KCNQ1OT1: variants seen among roughly 807,000 people sequenced by gnomAD.
The protein encoded by KCNQ1OT1 is KCNQ1 antisense RNA 2 (non-protein coding).
Position 2,661,086 on chromosome 11 carries a change from C to T in KCNQ1OT1, n.38909G>A, listed in dbSNP as rs2133854741. 1 of 398,272 alleles carries T rather than the reference C, an allele frequency of 2.5e-6. No homozygotes were observed. Among genetic ancestry groups the T allele is most frequent in the East Asian group, 3.6e-5 (1 of 28,076 alleles). The allele number at this position is 398,272 out of a possible 1,614,324, so 24.7% of individuals were successfully genotyped here. A position where few individuals can be genotyped will look rare whatever the true frequency, so the allele number is the denominator to read the frequency against. Reference sequence around the variant, plus strand: ...CAGAGTCACAGTGACATCCCATGTGCATAAAAGCAACTCCCACCTGGCATC... The same window carrying T: ...CAGAGTCACAGTGACATCCCATGTGTATAAAAGCAACTCCCACCTGGCATC... On this transcript the variant is annotated non_coding_transcript_exon_variant, in exon 1 of 1. Transcript: ENST00000597346. The surrounding 1 kb of genome is among the most constrained non-coding windows in gnomAD (Gnocchi z 5.9).
rs1177890303 is a variant in KCNQ1OT1 at position 2,657,752 on chromosome 11, A to G, written n.42243T>C. On this transcript the variant is annotated non_coding_transcript_exon_variant, in exon 1 of 1. Coordinates refer to ENST00000597346, the Ensembl canonical transcript of KCNQ1OT1. This position sits in a 1 kb window ranked among gnomAD's most constrained non-coding sequence, Gnocchi z 4.8. ...ATCTCTGATCGGTGACGGGCTTCTC[A>G]GTCTTGTTCTTCATTAACTTGACAC... 1 of 398,458 alleles carries G rather than the reference A, an allele frequency of 2.5e-6. No individual in the cohort carries two copies. Among genetic ancestry groups the G allele is most frequent in the African/African-American group, 2.1e-5 (1 of 48,604 alleles). The allele number at this position is 398,458 out of a possible 1,614,324, so 24.7% of individuals were successfully genotyped here.
exon 1 of KCNQ1OT1, chr11:2,644,380 G>GT (rs1200527885): frequency 4.0e-5 from 16 of 398,036 alleles, no homozygotes; most frequent in Non-Finnish European, 7.1e-5. Context: ...TTTCAAATAT[G>GT]TTTTTTATTT....
rs1310215651 is a variant in KCNQ1OT1 at position 2,698,087 on chromosome 11, CTGAG to C, written n.1904_1907del. 6 of 398,632 alleles carry C rather than the reference CTGAG, an allele frequency of 1.5e-5. No individual in the cohort carries two copies. In the South Asian group the frequency reaches 6.4e-4, roughly 42 times the overall value. The allele number at this position is 398,632 out of a possible 1,614,324, so 24.7% of individuals were successfully genotyped here. A position where few individuals can be genotyped will look rare whatever the true frequency, so the allele number is the denominator to read the frequency against. On this transcript the variant is annotated non_coding_transcript_exon_variant, in exon 1 of 1. Transcript: ENST00000597346. This position sits in a 1 kb window ranked among gnomAD's most constrained non-coding sequence, Gnocchi z 5.1. ...CTGCCTGCTTTCCTTCAAGTACTGACTGAGTAAGGCTGTGTATCAGGCTCTTGGC... is the reference window on the plus strand; with the variant it reads ...CTGCCTGCTTTCCTTCAAGTACTGACTAAGGCTGTGTATCAGGCTCTTGGC...
At position 2,674,297 on chromosome 11, in the gene KCNQ1OT1, G is replaced by C; in HGVS notation, n.25698C>G. 1 of 398,636 alleles carries C rather than the reference G, an allele frequency of 2.5e-6. No individual in the cohort carries two copies. The highest frequency in any genetic ancestry group is 4.4e-5 in the Admixed American group (1 of 22,740). The allele number at this position is 398,636 out of a possible 1,614,324, so 24.7% of individuals were successfully genotyped here. On this transcript the variant is annotated non_coding_transcript_exon_variant, in exon 1 of 1. Coordinates refer to ENST00000597346, the Ensembl canonical transcript of KCNQ1OT1. This position sits in a 1 kb window ranked among gnomAD's most constrained non-coding sequence, Gnocchi z 5.9. ...ACACACTAGGACCTTTCTTCATCAT[G>C]CAGCCGTAGAGCTGGAGGCCAAGGA...
chr11:2,695,789 T>C lies in KCNQ1OT1; in HGVS notation n.4206A>G. The C allele has an allele frequency of 2.5e-6, 1 of 398,652 alleles. No individual in the cohort carries two copies. The highest frequency in any genetic ancestry group is 4.4e-6 in the Non-Finnish European group (1 of 226,068). The allele number at this position is 398,652 out of a possible 1,614,324, so 24.7% of individuals were successfully genotyped here. On this transcript the variant is annotated non_coding_transcript_exon_variant, in exon 1 of 1. Transcript: ENST00000597346. This position sits in a 1 kb window ranked among gnomAD's most constrained non-coding sequence, Gnocchi z 5.2. ...GCCTTATCCTACTTTCTAATGCTTC[T>C]CCTATGAAGAATAGCTGTTGCTTTC...
In KCNQ1OT1 at chr11:2,623,139, C is replaced by G. The variant is rs1427973423; in HGVS notation, n.76856G>C. 2.5e-5 allele frequency: 10 copies of G among 398,472 alleles called. No individual in the cohort carries two copies. Among genetic ancestry groups the G allele is most frequent in the Non-Finnish European group, 4.4e-5 (10 of 226,122 alleles). The allele number at this position is 398,472 out of a possible 1,614,324, so 24.7% of individuals were successfully genotyped here. A position where few individuals can be genotyped will look rare whatever the true frequency, so the allele number is the denominator to read the frequency against. ...GCACTTCCCATCTCACTTTCTTTCCCTCTCCTGTTCTGCCATGGTAAAGAT... is the reference window on the plus strand; with the variant it reads ...GCACTTCCCATCTCACTTTCTTTCCGTCTCCTGTTCTGCCATGGTAAAGAT... On this transcript the variant is annotated non_coding_transcript_exon_variant, in exon 1 of 1. Transcript: ENST00000597346. The surrounding 1 kb of genome is among the most constrained non-coding windows in gnomAD (Gnocchi z 5.2).
At position 2,632,247 on chromosome 11, in the gene KCNQ1OT1, T is replaced by A. The variant is rs1849370511; in HGVS notation, n.67748A>T. The A allele has an allele frequency of 1.0e-5, 4 of 398,274 alleles. No homozygotes were observed. In the East Asian group the frequency reaches 1.4e-4, roughly 14 times the overall value. The allele number at this position is 398,274 out of a possible 1,614,324, so 24.7% of individuals were successfully genotyped here. ...GTGTACTGACTTACTATCCTGCTAC[T>A]TTGCTGAATTAATTTATTCAGTTTT... On this transcript the variant is annotated non_coding_transcript_exon_variant, in exon 1 of 1. Coordinates refer to ENST00000597346, the Ensembl canonical transcript of KCNQ1OT1.
exon 1 of KCNQ1OT1, chr11:2,635,662 C>G (rs1248635887): frequency 6.6e-6 from 1 of 152,064 alleles, no homozygotes; most frequent in Non-Finnish European, 1.5e-5. Context: ...CTTGGCAATG[C>G]GGGCTCTTTT....
rs1850415444 is a variant in KCNQ1OT1, at chr11:2,682,482, G to A, written n.17513C>T. On this transcript the variant is annotated non_coding_transcript_exon_variant, in exon 1 of 1. Transcript: ENST00000597346. The surrounding 1 kb of genome is among the most constrained non-coding windows in gnomAD (Gnocchi z 5.8). ...CCCTCAGTGAATGTTTGACGAGTGA[G>A]TGAGTGAGTGAGTGAGTGAGTGAGT... is the stretch of plus-strand genomic sequence containing the variant. 1.3e-5 allele frequency: 5 copies of A among 397,934 alleles called. No homozygotes were observed. The highest frequency in any genetic ancestry group is 1.3e-3 in the Middle Eastern group (2 of 1,584). The allele number at this position is 397,934 out of a possible 1,614,324, so 24.7% of individuals were successfully genotyped here.
exon 1 of KCNQ1OT1, chr11:2,665,213 T>C (rs1056641344): frequency 1.3e-5 from 5 of 398,446 alleles, no homozygotes; most frequent in African/African-American, 8.2e-5. Context: ...GCAGAAGCTG[T>C]CTTCCTAGGT....
At chr11:2,692,776 T>C in exon 1 of KCNQ1OT1, 1 of 398,630 alleles carries the variant, frequency 2.5e-6, no homozygotes, top group African/African-American at 2.1e-5. Flanking sequence ...ACCTGCTGAG[T>C]GTTTGACAAA....
chr11:2,670,479 A>G lies in KCNQ1OT1; in HGVS notation n.29516T>C, dbSNP rs1850163251. The G allele has an allele frequency of 2.5e-6, 1 of 397,404 alleles. No individual in the cohort carries two copies. The highest frequency in any genetic ancestry group is 3.6e-5 in the East Asian group (1 of 28,034). 24.6% of individuals were successfully genotyped at this position (397,404 alleles called of 1,614,324 possible). The stretch of plus-strand genomic sequence containing the variant: ...AGCCCACATCCTTGGTAGGTCCCTC[A>G]GAGAGCATCTAGTGGGCCTGTCCTC... On this transcript the variant is annotated non_coding_transcript_exon_variant, in exon 1 of 1. Coordinates refer to ENST00000597346, the Ensembl canonical transcript of KCNQ1OT1. The surrounding 1 kb of genome is among the most constrained non-coding windows in gnomAD (Gnocchi z 4.9).
rs1850155879 is a variant in KCNQ1OT1, at chr11:2,670,227, C to CTT, written n.29766_29767dup. ...AGGGCGAGCTGTGTAGCTCACCTGC[C>CTT]TTTGACCCTGCACATGACGGGCGAG... On this transcript the variant is annotated non_coding_transcript_exon_variant, in exon 1 of 1. Coordinates refer to ENST00000597346, the Ensembl canonical transcript of KCNQ1OT1. This position sits in a 1 kb window ranked among gnomAD's most constrained non-coding sequence, Gnocchi z 4.9. 2 of 398,448 alleles carry CTT rather than the reference C, an allele frequency of 5.0e-6. No homozygotes were observed. Among genetic ancestry groups the CTT allele is most frequent in the Admixed American group, 8.8e-5 (2 of 22,712 alleles). The allele number at this position is 398,448 out of a possible 1,614,324, so 24.7% of individuals were successfully genotyped here.
rs556508655 is a variant in KCNQ1OT1 at position 2,661,794 on chromosome 11, A to G, written n.38201T>C. ...TGTCAGGCACTTTGGGGCCATCTTAAACACCCACCCACCCCAACACCCAAC... is the reference window on the plus strand; with the variant it reads ...TGTCAGGCACTTTGGGGCCATCTTAGACACCCACCCACCCCAACACCCAAC... On this transcript the variant is annotated non_coding_transcript_exon_variant, in exon 1 of 1. Coordinates refer to ENST00000597346, the Ensembl canonical transcript of KCNQ1OT1. The surrounding 1 kb of genome is among the most constrained non-coding windows in gnomAD (Gnocchi z 5.9). The G allele has an allele frequency of 2.6e-6, 2 of 774,388 alleles. No individual in the cohort carries two copies. The highest frequency in any genetic ancestry group is 2.7e-5 in the East Asian group (1 of 37,546). 48.0% of individuals were successfully genotyped at this position (774,388 alleles called of 1,614,324 possible). A position where few individuals can be genotyped will look rare whatever the true frequency, so the allele number is the denominator to read the frequency against.
rs1394103494 is a variant in KCNQ1OT1 at position 2,627,420 on chromosome 11, T to C, written n.72575A>G. On this transcript the variant is annotated non_coding_transcript_exon_variant, in exon 1 of 1. Transcript: ENST00000597346. This position sits in a 1 kb window ranked among gnomAD's most constrained non-coding sequence, Gnocchi z 4.9. ...TTATGTCAAGAACTTATTCATCTGA[T>C]AACTCTATGTTTGTACCCTTCAACA... The C allele has an allele frequency of 7.5e-6, 3 of 398,422 alleles. No homozygotes were observed. Among genetic ancestry groups the C allele is most frequent in the Non-Finnish European group, 1.3e-5 (3 of 226,036 alleles). The allele number at this position is 398,422 out of a possible 1,614,324, so 24.7% of individuals were successfully genotyped here. A position where few individuals can be genotyped will look rare whatever the true frequency, so the allele number is the denominator to read the frequency against.
chr11:2,667,886 G>A (rs1376251150), exon 1 of KCNQ1OT1: 7 of 398,534 alleles, frequency 1.8e-5, no homozygotes, highest in Non-Finnish European at 2.7e-5. Flanking sequence ...GGTCTCAAGT[G>A]CGCAGCTTGA....
At chr11:2,666,956 G>C in exon 1 of KCNQ1OT1, 1 of 398,744 alleles carries the variant, frequency 2.5e-6, no homozygotes, top group South Asian at 1.3e-4. Context: ...GAGATGCCAA[G>C]GAAGCCCTCT....
exon 1 of KCNQ1OT1, chr11:2,667,215 C>T (rs1850092369): frequency 5.0e-6 from 2 of 398,746 alleles, no homozygotes; most frequent in Non-Finnish European, 8.8e-6. Context: ...GGCCCCCTAA[C>T]CTTTCCAAAC....
At position 2,669,320 on chromosome 11, in the gene KCNQ1OT1, C is replaced by T. The variant is rs528472192; in HGVS notation, n.30675G>A. The T allele has an allele frequency of 2.8e-5, 11 of 398,644 alleles. No homozygotes were observed. Among genetic ancestry groups the T allele is most frequent in the African/African-American group, 2.3e-4 (11 of 48,752 alleles). 24.7% of individuals were successfully genotyped at this position (398,644 alleles called of 1,614,324 possible). On this transcript the variant is annotated non_coding_transcript_exon_variant, in exon 1 of 1. Transcript: ENST00000597346. The surrounding 1 kb of genome is among the most constrained non-coding windows in gnomAD (Gnocchi z 5.6). The stretch of plus-strand genomic sequence containing the variant: ...TACATATGCCAGTTGCCATGGAAAG[C>T]CTCCTCTAGGCGCAGCAGCCTCTAG...
Sources: allele counts gnomAD v4.1 joint callset, GRCh38; gene constraint gnomAD v4.1.1; non-coding constraint Gnocchi (gnomAD v3.1); transcripts MANE v1.5; gene names NCBI Gene and HGNC (gene_info 2026-07-23, HGNC 2026-07-21).